NRL: variants seen among roughly 807,000 people sequenced by gnomAD.
NRL encodes neural retina leucine zipper, also known as neural retina-specific leucine zipper protein.
Under a neutral mutation model 12.5 loss-of-function variants are expected in NRL, and 16 were observed. The ratio of observed to expected loss-of-function variants is 1.28; its 90% CI spans 0.87 to 1.95. NRL has a LOEUF of 1.95. Among genes scored for constraint, NRL ranks in the 30% most tolerant of loss-of-function variants. The pLI, the probability that NRL is intolerant of heterozygous loss-of-function variation, is 0.00. For missense variants in NRL, 314 were observed against 325.8 expected, an observed-to-expected ratio of 0.96 and a Z score of 0.28; for synonymous variants, 142 against 150.9, an observed-to-expected ratio of 0.94 and a Z score of 0.43.
In NRL at chr14:24,094,483, C is replaced by A. The variant is rs2138920167; in HGVS notation, c.-27-11608G>T. The A allele has an allele frequency of 1.3e-6, 2 of 1,488,520 alleles. No individual in the cohort carries two copies. The highest frequency in any genetic ancestry group is 1.8e-6 in the Non-Finnish European group (2 of 1,126,500). 92.2% of individuals were successfully genotyped at this position (1,488,520 alleles called of 1,614,324 possible). On this transcript the variant is annotated intron_variant, in intron 1 of 2. Transcript: ENST00000561028. The surrounding 1 kb of genome is among the most constrained non-coding windows in gnomAD (Gnocchi z 4.1). ...CCACCCGCACCTTCCGCTGCGCTCG[C>A]CCCCTCGGGGCTGCCAGTGGCGCTC...
intron 1 of NRL, among the ~76,000 whole-genome samples, chr14:24,105,713 G>T (rs2037327406): frequency 6.6e-6 from 1 of 152,226 alleles, no homozygotes; most frequent in African/African-American, 2.4e-5. Flanking sequence ...GAGGTTGGGA[G>T]TTCAAGACCA....
intron 1 of NRL, among the ~76,000 whole-genome samples, chr14:24,100,722 A>C (rs996065210): frequency 4.6e-5 from 7 of 152,122 alleles, no homozygotes; most frequent in Admixed American, 1.3e-4. Flanking sequence ...CTTGGCTCCC[A>C]CTGTCCCCTG....
intron 1 of NRL, among the ~76,000 whole-genome samples, chr14:24,105,340 C>T (rs1445159055): frequency 6.6e-6 from 1 of 152,262 alleles, no homozygotes; most frequent in Non-Finnish European, 1.5e-5. Flanking sequence ...CCATCACAAA[C>T]ATGTCACAGT....
At chr14:24,103,963 G>A in intron 1 of NRL, 1 of 1,611,580 alleles carries the variant, frequency 6.2e-7, no homozygotes, top group South Asian at 1.1e-5. Context: ...CACAAAATGT[G>A]ACCTGAGGCC....
chr14:24,081,162 A>C lies in NRL; in HGVS notation c.*74T>G, dbSNP rs750437525. On this transcript the variant is annotated 3_prime_UTR_variant, in exon 3 of 3. Coordinates refer to ENST00000561028, the MANE Select transcript of NRL (RefSeq NM_001354768.3). The surrounding 1 kb of genome is among the most constrained non-coding windows in gnomAD (Gnocchi z 4.4). Reference sequence around the variant, plus strand: ...AGAAGGCGCTCTGGTAACGATGCAGAGAACCGTGCAGCCGCCTCCTGGGCG... The same window carrying C: ...AGAAGGCGCTCTGGTAACGATGCAGCGAACCGTGCAGCCGCCTCCTGGGCG... 33 of 1,099,822 alleles carry C rather than the reference A, an allele frequency of 3.0e-5. No homozygotes were observed. The highest frequency in any genetic ancestry group is 3.8e-5 in the Admixed American group (1 of 26,312). 68.1% of individuals were successfully genotyped at this position (1,099,822 alleles called of 1,614,324 possible).
intron 1 of NRL, among the ~76,000 whole-genome samples, chr14:24,089,835 G>C (rs937017157): frequency 2.6e-5 from 4 of 152,168 alleles, no homozygotes; most frequent in African/African-American, 9.7e-5. Context: ...GACAGGGTGG[G>C]AATTCCAGGC....
intron 1 of NRL, among the ~76,000 whole-genome samples, chr14:24,087,413 G>A (rs899875616): frequency 3.9e-5 from 6 of 152,324 alleles, no homozygotes; most frequent in African/African-American, 9.6e-5. Context: ...ATTGGACCAT[G>A]GGGAAAGAGG....
chr14:24,103,700 G>A, intron 1 of NRL: 3 of 1,614,184 alleles, frequency 1.9e-6, no homozygotes, highest in Non-Finnish European at 2.5e-6. Context: ...AGAATGCTCG[G>A]GTGCTAGACT....
chr14:24,094,592 C>CG lies in NRL; in HGVS notation c.-27-11718dup. 6.9e-7 allele frequency: 1 copy of CG among 1,451,800 alleles called. No individual in the cohort carries two copies. Among genetic ancestry groups the CG allele is most frequent in the Non-Finnish European group, 9.0e-7 (1 of 1,105,588 alleles). The allele number at this position is 1,451,800 out of a possible 1,614,324, so 89.9% of individuals were successfully genotyped here. A position where few individuals can be genotyped will look rare whatever the true frequency, so the allele number is the denominator to read the frequency against. ...GCTGTGGGTCCAGCCTCCCGCGCCG[C>CG]GCGTCTCTTGGGAGGGCAGCCGGCC... On this transcript the variant is annotated intron_variant, in intron 1 of 2. Transcript: ENST00000561028. This position sits in a 1 kb window ranked among gnomAD's most constrained non-coding sequence, Gnocchi z 4.1.
Position 24,111,141 on chromosome 14 carries a change from C to T in NRL, c.-28+3581G>A, listed in dbSNP as rs531273168. On this transcript the variant is annotated intron_variant, in intron 1 of 2. Transcript: ENST00000561028. ...GACCATAGGCACGCGCCACGATGGC[C>T]GGCTATTTTTTTTTTCTTTTTGTAG... Among the ~76,000 whole-genome samples the T allele has an allele frequency of 4.6e-5, 7 of 152,192 alleles. No homozygotes were observed. The East Asian group carries it at 1.4e-3, about 29-fold the overall frequency.
Position 24,078,663 on chromosome 14 carries a change from A to G in NRL, c.*2573T>C, listed in dbSNP as rs988571871. On this transcript the variant is annotated 3_prime_UTR_variant, in exon 3 of 3. Coordinates refer to ENST00000561028, the MANE Select transcript of NRL (RefSeq NM_001354768.3). ...AATCACATCAGCAACAACAGCAAAT[A>G]TCATTACGTAGCATGTGTCAACTTT... Among the ~76,000 whole-genome samples, 1 of 152,208 alleles carries G rather than the reference A, an allele frequency of 6.6e-6. No homozygotes were observed. Among genetic ancestry groups the G allele is most frequent in the Non-Finnish European group, 1.5e-5 (1 of 68,032 alleles).
rs1311960824 is a variant in NRL, at chr14:24,081,584, G to A, written c.382-16C>T. The A allele has an allele frequency of 1.3e-6, 2 of 1,580,468 alleles. No individual in the cohort carries two copies. The highest frequency in any genetic ancestry group is 1.2e-5 in the South Asian group (1 of 86,578). On this transcript the variant is annotated splice_polypyrimidine_tract_variant and intron_variant, in intron 2 of 2. Transcript: ENST00000561028. The surrounding 1 kb of genome is among the most constrained non-coding windows in gnomAD (Gnocchi z 4.4). ...GCTCTGCCAGCTGCGGAGGGAGAATGCAGAAACCGGGTCAGCGCCAGGTCG... is the reference window on the plus strand; with the variant it reads ...GCTCTGCCAGCTGCGGAGGGAGAATACAGAAACCGGGTCAGCGCCAGGTCG...
At chr14:24,109,330 T>C (rs779729967) in intron 1 of NRL, among the ~76,000 whole-genome samples, 41 of 152,214 alleles carry the variant, frequency 2.7e-4, no homozygotes, top group South Asian at 1.0e-3. Flanking sequence ...TACCCTAAGA[T>C]ATAAATGCTC....
chr14:24,082,135 T>C lies in NRL; in HGVS notation c.381+333A>G, dbSNP rs2036330074. 23 of 1,220,554 alleles carry C rather than the reference T, an allele frequency of 1.9e-5. No individual in the cohort carries two copies. In the South Asian group the frequency reaches 3.9e-4, roughly 21 times the overall value. 75.6% of individuals were successfully genotyped at this position (1,220,554 alleles called of 1,614,324 possible). A position where few individuals can be genotyped will look rare whatever the true frequency, so the allele number is the denominator to read the frequency against. Reference sequence around the variant, plus strand: ...TCTTAACCCAGCTCCACTCCACACATAACCCTTTCCCTGGTTTCCACACAC... The same window carrying C: ...TCTTAACCCAGCTCCACTCCACACACAACCCTTTCCCTGGTTTCCACACAC... On this transcript the variant is annotated intron_variant, in intron 2 of 2. Coordinates refer to ENST00000561028, the MANE Select transcript of NRL (RefSeq NM_001354768.3).
chr14:24,109,518 A>G (rs2037386089), intron 1 of NRL, among the ~76,000 whole-genome samples: 1 of 152,022 alleles, frequency 6.6e-6, no homozygotes, highest in South Asian at 2.1e-4. Context: ...ACATGGTGAA[A>G]CCCCGTCTCT....
rs920164404 is a variant in NRL, at chr14:24,079,069, G to A, written c.*2167C>T. Reference sequence around the variant, plus strand: ...CCCAAAGTGTTGGGATTACAGGCAGGAACCACTGCGCCCCACCTAAAGCAC... The same window carrying A: ...CCCAAAGTGTTGGGATTACAGGCAGAAACCACTGCGCCCCACCTAAAGCAC... On this transcript the variant is annotated 3_prime_UTR_variant, in exon 3 of 3. Transcript: ENST00000561028. Among the ~76,000 whole-genome samples, 9 of 152,174 alleles carry A rather than the reference G, an allele frequency of 5.9e-5. No homozygotes were observed. The highest frequency in any genetic ancestry group is 2.2e-4 in the African/African-American group (9 of 41,424).
chr14:24,096,924 G>C (rs2036910570), intron 1 of NRL: 1 of 1,613,364 alleles, frequency 6.2e-7, no homozygotes, highest in African/African-American at 1.3e-5. Flanking sequence ...CCCTTGGGCT[G>C]GCCATCATGC....
chr14:24,094,684 A>G lies in NRL; in HGVS notation c.-27-11809T>C. On this transcript the variant is annotated intron_variant, in intron 1 of 2. Coordinates refer to ENST00000561028, the MANE Select transcript of NRL (RefSeq NM_001354768.3). The surrounding 1 kb of genome is among the most constrained non-coding windows in gnomAD (Gnocchi z 4.1). ...GCTCGCCTCTGACCGCGCGATCTCT[A>G]TCTGCCACTCTCAGAACTTCCTCTC... The G allele has an allele frequency of 3.3e-6, 5 of 1,519,378 alleles. No homozygotes were observed. The highest frequency in any genetic ancestry group is 1.7e-4 in the Middle Eastern group (1 of 5,916). The allele number at this position is 1,519,378 out of a possible 1,614,324, so 94.1% of individuals were successfully genotyped here.
At position 24,114,774 on chromosome 14, in the gene NRL, G is replaced by T. The variant is rs898062450; in HGVS notation, c.-80C>A. On this transcript the variant is annotated 5_prime_UTR_variant, in exon 1 of 3. Transcript: ENST00000561028. ...GTTGGCTGGCCAAGGGGGCGGGGCCGTCGTGTGACGTTTGCAGCCCGCCGG... is the reference window on the plus strand; with the variant it reads ...GTTGGCTGGCCAAGGGGGCGGGGCCTTCGTGTGACGTTTGCAGCCCGCCGG... 5 of 985,824 alleles carry T rather than the reference G, an allele frequency of 5.1e-6. No homozygotes were observed. In the South Asian group the frequency reaches 2.3e-4, roughly 46 times the overall value. 61.1% of individuals were successfully genotyped at this position (985,824 alleles called of 1,614,324 possible).
Sources: gnomAD v4.1 joint callset for allele counts (sites outside exome capture counted in the v4.1 genomes callset) on GRCh38, gnomAD v4.1.1 for gene constraint, Gnocchi (gnomAD v3.1) non-coding constraint, MANE v1.5 for transcripts, NCBI Gene and HGNC (gene_info 2026-07-23, HGNC 2026-07-21) for gene names.